Variants in DPH6 observed in about 807,000 individuals in gnomAD.
DPH6 encodes diphthamine biosynthesis 6, also known as diphthine--ammonia ligase.
DPH6 carries 33 observed loss-of-function variants against 38.2 expected under a neutral mutation model. The ratio of observed to expected loss-of-function variants is 0.86; its 90% confidence interval spans 0.65 to 1.15. The LOEUF (loss-of-function observed/expected upper bound fraction) is 1.15. Among genes scored for constraint, DPH6 ranks in the 50% most tolerant of loss-of-function variants. The probability of loss-of-function intolerance (pLI) is 0.00; values close to 1 mark genes in which losing one functional copy is unlikely to be tolerated. For synonymous variants in DPH6, 108 were observed against 103.0 expected, an observed-to-expected ratio of 1.05 and a Z score of -0.30; for missense variants, 325 against 320.0, an observed-to-expected ratio of 1.02 and a Z score of -0.12.
the DPH6 span, among the ~76,000 whole-genome samples, chr15:35,148,462 A>G: frequency 6.6e-6 from 1 of 152,188 alleles, no homozygotes; most frequent in African/African-American, 2.4e-5. Flanking sequence ...ATTTCAATGG[A>G]TTCTAATAAT....
At chr15:35,538,950 T>A (rs928078646) in intron 2 of DPH6, among the ~76,000 whole-genome samples, 3 of 152,094 alleles carry the variant, frequency 2.0e-5, no homozygotes, top group Admixed American at 1.3e-4. Context: ...TTGGTATATT[T>A]TATATTCAGA....
rs142016543 is a variant in DPH6, at chr15:35,478,659, G to T, written c.313-23839C>A. 3.9e-3 allele frequency among the ~76,000 whole-genome samples: 590 copies of T among 152,002 alleles called. 10 individuals are homozygous for T. The highest frequency in any genetic ancestry group is 0.014 in the African/African-American group (568 of 41,498). On this transcript the variant is annotated intron_variant, in intron 3 of 8. Transcript: ENST00000256538. ...TTCATCCGTTAAAACCAAATCTGGGGTGGTCTAAAACTATAACAAGATACT... is the reference window on the plus strand; with the variant it reads ...TTCATCCGTTAAAACCAAATCTGGGTTGGTCTAAAACTATAACAAGATACT...
chr15:35,242,502 G>A (rs1375905739), intron 3 of DPH6, among the ~76,000 whole-genome samples: 2 of 143,382 alleles, frequency 1.4e-5, no homozygotes, highest in African/African-American at 5.1e-5. Context: ...CTTCCCTTCT[G>A]TCAGACATAA....
intron 3 of DPH6, among the ~76,000 whole-genome samples, chr15:35,525,112 A>G (rs1238773316): frequency 1.3e-5 from 2 of 152,212 alleles, no homozygotes; most frequent in Non-Finnish European, 2.9e-5. Flanking sequence ...CAGGGAGAAT[A>G]TATTACAAAT....
At chr15:35,179,204 CA>C in the DPH6 span, among the ~76,000 whole-genome samples, 905 of 50,616 alleles carry the variant, frequency 0.018, no homozygotes, top group Non-Finnish European at 0.024. Flanking sequence ...ACAACTCTGT[CA>C]AAAAAAAAAA....
the DPH6 span, among the ~76,000 whole-genome samples, chr15:35,162,766 A>G: frequency 6.6e-6 from 1 of 151,896 alleles, no homozygotes; most frequent in Admixed American, 6.6e-5. Flanking sequence ...CCTCCACTCA[A>G]GAGCAGACCC....
At chr15:35,436,489 C>A (rs796850040) in intron 5 of DPH6, among the ~76,000 whole-genome samples, 178 of 16,472 alleles carry the variant, frequency 0.011, 2 homozygotes, top group East Asian at 0.055. Flanking sequence ...AAAAACAAAA[C>A]AAAACAAAAC....
chr15:35,187,930 T>C, the DPH6 span, among the ~76,000 whole-genome samples: 1 of 152,042 alleles, frequency 6.6e-6, no homozygotes, highest in East Asian at 1.9e-4. Context: ...ATCACTTGAG[T>C]CCAGGAGTTC....
At chr15:35,209,235 T>A in the DPH6 span, among the ~76,000 whole-genome samples, 1 of 152,166 alleles carries the variant, frequency 6.6e-6, no homozygotes, top group Non-Finnish European at 1.5e-5. Flanking sequence ...CTGCAAATAA[T>A]GATGGTATTG....
intron 7 of DPH6, 86 bp downstream of exon 7, chr15:35,381,736 A>C: frequency 1.9e-6 from 2 of 1,056,144 alleles, no homozygotes; most frequent in Non-Finnish European, 2.9e-6. Flanking sequence ...ATTTTTCCCA[A>C]CAAAAGTTGC....
intron 7 of DPH6, among the ~76,000 whole-genome samples, chr15:35,376,413 G>A (rs2052781421): frequency 6.6e-6 from 1 of 152,094 alleles, no homozygotes; most frequent in Non-Finnish European, 1.5e-5. Context: ...AAGGCTGACT[G>A]GGTATTACGG....
intron 3 of DPH6, among the ~76,000 whole-genome samples, chr15:35,320,393 T>C (rs1288540152): frequency 6.6e-6 from 1 of 152,144 alleles, no homozygotes; most frequent in African/African-American, 2.4e-5. Context: ...TTTGAGTGTA[T>C]ACACTTCCTT....
chr15:35,233,949 T>C (rs542725843), intron 3 of DPH6, among the ~76,000 whole-genome samples: 1 of 152,236 alleles, frequency 6.6e-6, no homozygotes, highest in African/African-American at 2.4e-5. Context: ...ATTGTTTTAT[T>C]TATTTTATAG....
chr15:35,425,830 T>TATATATAG (rs2053563737), intron 5 of DPH6, among the ~76,000 whole-genome samples: 1 of 147,826 alleles, frequency 6.8e-6, no homozygotes, highest in Non-Finnish European at 1.5e-5. Flanking sequence ...TATATATATA[T>TATATATAG]CTCATATATC....
At chr15:35,278,864 G>A (rs879720269) in intron 3 of DPH6, among the ~76,000 whole-genome samples, 2 of 151,816 alleles carry the variant, frequency 1.3e-5, no homozygotes, top group African/African-American at 2.4e-5. Context: ...CCTGACTAAC[G>A]TGGTGAAACC....
intron 3 of DPH6, among the ~76,000 whole-genome samples, chr15:35,286,100 C>G (rs2051942216): frequency 6.6e-6 from 1 of 151,724 alleles, no homozygotes; most frequent in Admixed American, 6.6e-5. Context: ...TTCACCTGTC[C>G]TGGGTAAAAA....
chr15:35,321,888 C>T (rs182053551), intron 3 of DPH6, among the ~76,000 whole-genome samples: 76 of 152,244 alleles, frequency 5.0e-4, no homozygotes, highest in African/African-American at 1.5e-3. Flanking sequence ...ACGGGAACCT[C>T]GCCCACACAG....
intron 3 of DPH6, among the ~76,000 whole-genome samples, chr15:35,315,339 T>C (rs1330759498): frequency 6.6e-6 from 1 of 152,222 alleles, no homozygotes; most frequent in East Asian, 1.9e-4. Flanking sequence ...GCACAAACTT[T>C]TACACCATAG....
chr15:35,426,030 G>A (rs925891915), intron 5 of DPH6, among the ~76,000 whole-genome samples: 2 of 151,156 alleles, frequency 1.3e-5, no homozygotes, highest in Admixed American at 6.6e-5. Context: ...CTCTCTTCAG[G>A]TGGCTGTGTG....
Sources: gnomAD v4.1 joint callset for allele counts (sites outside exome capture counted in the v4.1 genomes callset) on GRCh38, gnomAD v4.1.1 for gene constraint, MANE v1.5 for transcripts, NCBI Gene and HGNC (gene_info 2026-07-23, HGNC 2026-07-21) for gene names.